The following SPAG1 variants were observed in gnomAD, a reference collection of about 807,000 sequenced individuals.
SPAG1 encodes sperm associated antigen 1.
In SPAG1, 69 loss-of-function variants were observed where a neutral mutation model predicts 100.5. The observed-to-expected ratio is 0.69, with a 90% confidence interval of 0.57 to 0.84. The LOEUF (loss-of-function observed/expected upper bound fraction) is 0.84, where lower values mean the gene tolerates loss of function less well. SPAG1 is among the 40% of genes least tolerant of loss of function. SPAG1 has a pLI of 0.00. For missense variants in SPAG1, 955 were observed against 1,133.1 expected (o/e 0.84, Z 2.26); for synonymous variants, 336 against 411.6 (o/e 0.82, Z 2.22).
intron 13 of SPAG1, among the ~76,000 whole-genome samples, chr8:100,223,810 T>A (rs1818385367): frequency 6.6e-6 from 1 of 152,090 alleles, no homozygotes; most frequent in African/African-American, 2.4e-5. Flanking sequence ...TCTTCTGCAA[T>A]TCTGGGTGGT....
At chr8:100,189,268 G>A (rs1334558158) in intron 8 of SPAG1, among the ~76,000 whole-genome samples, 1 of 151,654 alleles carries the variant, frequency 6.6e-6, no homozygotes, top group Non-Finnish European at 1.5e-5. Flanking sequence ...TTGAGGCCAG[G>A]AGTTCGAGAC....
intron 3 of SPAG1, among the ~76,000 whole-genome samples, chr8:100,166,377 G>A (rs1426249701): frequency 6.6e-6 from 1 of 152,028 alleles, no homozygotes; most frequent in East Asian, 1.9e-4. Context: ...TCCTGCCTCA[G>A]CCTCCCGAGC....
intron 8 of SPAG1, among the ~76,000 whole-genome samples, chr8:100,190,663 C>CTTTTT (rs758612610): frequency 8.9e-6 from 1 of 111,808 alleles, no homozygotes. Context: ...CTTTTTTTTT[C>CTTTTT]TTTTTTTTTT....
At position 100,190,312 on chromosome 8, in the gene SPAG1, CAA is replaced by C. The variant is rs551371158; in HGVS notation, c.833-1060_833-1059del. Among the ~76,000 whole-genome samples, 177 of 74,038 alleles carry C rather than the reference CAA, an allele frequency of 2.4e-3. 1 individual carries two copies. The highest frequency in any genetic ancestry group is 5.9e-3 in the African/African-American group (142 of 23,914). The allele number at this position is 74,038 out of a possible 152,430, so 48.6% of individuals were successfully genotyped here. Reference sequence around the variant, plus strand: ...TGGGCAACAGAGCAAGACTCTGTCTCAAAAAAAAAAAAAAAAAAATTCTCACT... The same window carrying C: ...TGGGCAACAGAGCAAGACTCTGTCTCAAAAAAAAAAAAAAAAATTCTCACT... On this transcript the variant is annotated intron_variant, in intron 8 of 18. Transcript: ENST00000388798.
At chr8:100,217,387 T>A (rs1056424224) in intron 12 of SPAG1, among the ~76,000 whole-genome samples, 2 of 152,218 alleles carry the variant, frequency 1.3e-5, no homozygotes, top group African/African-American at 4.8e-5. Flanking sequence ...TGATTTTAAA[T>A]GTCTTACCTC....
At chr8:100,229,575 G>A (rs1289132544) in intron 14 of SPAG1, among the ~76,000 whole-genome samples, 4 of 152,172 alleles carry the variant, frequency 2.6e-5, no homozygotes, top group South Asian at 2.1e-4. Flanking sequence ...AACACCCCAC[G>A]CACTGAATGG....
chr8:100,199,026 G>A (rs192473357), intron 10 of SPAG1, among the ~76,000 whole-genome samples: 277 of 152,296 alleles, frequency 1.8e-3, no homozygotes, highest in Admixed American at 3.8e-3. Context: ...ACCAGTTGAT[G>A]GACCTTTGGG....
chr8:100,178,102 C>T (rs954511055), intron 4 of SPAG1, among the ~76,000 whole-genome samples, 161 bp downstream of exon 4: 6 of 152,142 alleles, frequency 3.9e-5, no homozygotes, highest in African/African-American at 1.4e-4. Context: ...GGAACTATCA[C>T]GTTCTTTACT....
intron 8 of SPAG1, 36 bp downstream of exon 8, chr8:100,187,286 C>G (rs752914242): frequency 6.5e-7 from 1 of 1,536,138 alleles, no homozygotes; most frequent in South Asian, 1.2e-5. Flanking sequence ...ACATTTACAG[C>G]AGGATCCATT....
chr8:100,205,421 G>C (rs1466196996), intron 10 of SPAG1, among the ~76,000 whole-genome samples: 1 of 152,194 alleles, frequency 6.6e-6, no homozygotes, highest in East Asian at 1.9e-4. Flanking sequence ...TATGGACTTA[G>C]GGAGTTCAGG....
intron 10 of SPAG1, among the ~76,000 whole-genome samples, chr8:100,203,785 G>C (rs1253485963): frequency 6.6e-6 from 1 of 152,172 alleles, no homozygotes; most frequent in Non-Finnish European, 1.5e-5. Context: ...AATCTGCCAA[G>C]ATTGCCCTGA....
intron 10 of SPAG1, among the ~76,000 whole-genome samples, chr8:100,199,900 T>C (rs1252156605): frequency 6.6e-6 from 1 of 152,202 alleles, no homozygotes; most frequent in Non-Finnish European, 1.5e-5. Flanking sequence ...TAATTTCCTT[T>C]GATGCAGAAG....
intron 15 of SPAG1, 110 bp from the exon 16 acceptor site, chr8:100,233,301 G>T: frequency 8.4e-7 from 1 of 1,188,060 alleles, no homozygotes; most frequent in Admixed American, 1.9e-5. Flanking sequence ...AACCGCAGTG[G>T]TATAGCAACA....
At chr8:100,209,884 G>A (rs955645623) in intron 10 of SPAG1, among the ~76,000 whole-genome samples, 1 of 151,542 alleles carries the variant, frequency 6.6e-6, no homozygotes, top group African/African-American at 2.4e-5. Context: ...TTTTTTTGGT[G>A]GGGGTGGTGA....
intron 1 of SPAG1, 102 bp from the exon 2 acceptor site, chr8:100,162,177 A>T (rs1563765838): frequency 9.6e-7 from 1 of 1,038,496 alleles, no homozygotes; most frequent in South Asian, 1.6e-5. Flanking sequence ...AAAAATTTTT[A>T]AAAATTCAAA....
chr8:100,229,402 C>T (rs1352605423), intron 14 of SPAG1, among the ~76,000 whole-genome samples: 4 of 151,916 alleles, frequency 2.6e-5, no homozygotes, highest in Non-Finnish European at 5.9e-5. Context: ...CCAGCCCGGG[C>T]GACAGAGCGA....
chr8:100,161,137 C>T (rs891367638), intron 1 of SPAG1, among the ~76,000 whole-genome samples: 17 of 151,988 alleles, frequency 1.1e-4, no homozygotes, highest in African/African-American at 2.2e-4. Flanking sequence ...TCCAGGAGTT[C>T]GAGACCAGCC....
Position 100,214,015 on chromosome 8 carries a change from A to AT in SPAG1, c.1535+100dup, listed in dbSNP as rs1324468409. On this transcript the variant is annotated intron_variant, in intron 12 of 18. Coordinates refer to ENST00000388798, the MANE Select transcript of SPAG1 (RefSeq NM_003114.5). ...CCTAAATTTTCTGCCTAAGGATCTA[A>AT]TTTCTTAAGAGCTTTATGGTATGTT... 1.3e-5 allele frequency: 8 copies of AT among 625,668 alleles called. No homozygotes were observed. In the East Asian group the frequency reaches 2.1e-4, roughly 17 times the overall value. 38.8% of individuals were successfully genotyped at this position (625,668 alleles called of 1,614,324 possible).
intron 16 of SPAG1, among the ~76,000 whole-genome samples, chr8:100,236,295 T>C (rs990000539): frequency 7.9e-5 from 12 of 152,172 alleles, no homozygotes; most frequent in Admixed American, 4.6e-4. Context: ...GCCAGGTGAA[T>C]TTAATTTCAG....
Sources: gnomAD v4.1 joint callset for allele counts (sites outside exome capture counted in the v4.1 genomes callset) on GRCh38, gnomAD v4.1.1 for gene constraint, MANE v1.5 for transcripts, NCBI Gene and HGNC (gene_info 2026-07-23, HGNC 2026-07-21) for gene names.